The following EPS15 variants were observed in gnomAD, a reference collection of about 807,000 sequenced individuals.
EPS15 encodes the protein epidermal growth factor receptor pathway substrate 15.
EPS15 carries 72 observed loss-of-function variants against 113.8 expected under a neutral mutation model. The observed-to-expected ratio is 0.63, with a 90% CI of 0.52 to 0.77. The LOEUF (loss-of-function observed/expected upper bound fraction) is 0.77. EPS15 is among the 30% of genes least tolerant of loss of function. EPS15 has a pLI of 0.00. For synonymous variants in EPS15, 344 were observed against 363.4 expected, an observed-to-expected ratio of 0.95 and a Z score of 0.61; for missense variants, 1,048 against 1,045.8, an observed-to-expected ratio of 1.00 and a Z score of -0.03.
chr1:51,380,865 T>C (rs887394345), intron 21 of EPS15, among the ~76,000 whole-genome samples: 2 of 152,052 alleles, frequency 1.3e-5, no homozygotes, highest in South Asian at 2.1e-4. Flanking sequence ...TTCATGCAAA[T>C]AGAATATCAA....
intron 21 of EPS15, among the ~76,000 whole-genome samples, chr1:51,389,755 C>A (rs1570169401): frequency 6.6e-6 from 1 of 152,210 alleles, no homozygotes; most frequent in African/African-American, 2.4e-5. Flanking sequence ...ATCCAACTTA[C>A]AAGGGACATG....
At chr1:51,388,511 A>T (rs1647157165) in intron 21 of EPS15, among the ~76,000 whole-genome samples, 1 of 152,238 alleles carries the variant, frequency 6.6e-6, no homozygotes, top group Non-Finnish European at 1.5e-5. Flanking sequence ...GCCCTTCAAA[A>T]TATTAATGAA....
chr1:51,371,479 G>A (rs1185042196), intron 21 of EPS15, among the ~76,000 whole-genome samples: 2 of 146,384 alleles, frequency 1.4e-5, no homozygotes, highest in Non-Finnish European at 3.0e-5. Flanking sequence ...TTTCTCTTTT[G>A]CATCTTACAT....
chr1:51,371,616 C>T (rs1646656534), intron 21 of EPS15, among the ~76,000 whole-genome samples: 1 of 151,446 alleles, frequency 6.6e-6, no homozygotes, highest in South Asian at 2.1e-4. Context: ...AGGTTTATTA[C>T]AAGAGTCAAA....
chr1:51,361,185 C>G lies in EPS15; in HGVS notation c.2530G>C (p.Ala844Pro). The G allele has an allele frequency of 6.2e-7, 1 of 1,613,726 alleles. No individual in the cohort carries two copies. The highest frequency in any genetic ancestry group is 8.5e-7 in the Non-Finnish European group (1 of 1,179,710). The change falls in exon 24 of 25, where the codon GCC (alanine) becomes CCC (proline). Residue 844 changes from alanine (A) to proline (P), a missense_variant. Ala to Pro is a conservative substitution (Grantham distance 27, BLOSUM62 -1). Transcript: ENST00000371733. ...TNKEADPSNF[A>P]NFSAYPSEED... ...ACAGTACTTACAGCACTGAAGTTGG[C>G]AAAATTGCTTGGATCAGCCTCTTTA...
chr1:51,378,675 G>A (rs1269520426), intron 21 of EPS15, among the ~76,000 whole-genome samples: 1 of 152,032 alleles, frequency 6.6e-6, no homozygotes, highest in African/African-American at 2.4e-5. Flanking sequence ...TAATATATAC[G>A]AATACATATA....
chr1:51,468,071 ATCT>A (rs1654977805), intron 5 of EPS15, among the ~76,000 whole-genome samples: 2 of 152,084 alleles, frequency 1.3e-5, no homozygotes, highest in Non-Finnish European at 2.9e-5. Context: ...TGATCCTCCC[ATCT>A]CAGCCTCCCA....
intron 21 of EPS15, among the ~76,000 whole-genome samples, chr1:51,374,459 C>G (rs1646736309): frequency 6.6e-6 from 1 of 152,022 alleles, no homozygotes; most frequent in African/African-American, 2.4e-5. Context: ...CAAAAATTAG[C>G]CGGGCGTGGT....
At chr1:51,497,084 T>C (rs1644336966) in intron 1 of EPS15, among the ~76,000 whole-genome samples, 1 of 152,230 alleles carries the variant, frequency 6.6e-6, no homozygotes. Context: ...CTATTCAATG[T>C]TACATATAGA....
At position 51,365,868 on chromosome 1, in the gene EPS15, G is replaced by A. The variant is rs1008860820; in HGVS notation, c.2196+85C>T. The A allele has an allele frequency of 2.1e-5, 17 of 819,272 alleles. No individual in the cohort carries two copies. In the African/African-American group the frequency reaches 2.8e-4, roughly 13 times the overall value. 50.8% of individuals were successfully genotyped at this position (819,272 alleles called of 1,614,324 possible). A position where few individuals can be genotyped will look rare whatever the true frequency, so the allele number is the denominator to read the frequency against. ...TACTGAAATCAAGTTGCAACTTTGT[G>A]AGAGGACTATATAATTGAAAGGAGG... is the stretch of plus-strand genomic sequence containing the variant. On this transcript the variant is annotated intron_variant, in intron 22 of 24. Coordinates refer to ENST00000371733, the MANE Select transcript of EPS15 (RefSeq NM_001981.3).
In EPS15 at chr1:51,357,428, T is replaced by TA. The variant is rs1557761744; in HGVS notation, c.2545-583_2545-582insT. On this transcript the variant is annotated intron_variant, in intron 24 of 24. Transcript: ENST00000371733. ...TATATATATATATATATATATATAT[T>TA]TTTTTTTTTTAAATGTGATATATAT... Among the ~76,000 whole-genome samples the TA allele has an allele frequency of 5.0e-3, 325 of 65,232 alleles. 4 individuals carry two copies. The highest frequency in any genetic ancestry group is 7.3e-3 in the Non-Finnish European group (249 of 34,258). 42.8% of individuals were successfully genotyped at this position (65,232 alleles called of 152,430 possible).
chr1:51,503,943 A>T (rs543666408), intron 1 of EPS15, among the ~76,000 whole-genome samples: 2 of 152,294 alleles, frequency 1.3e-5, no homozygotes, highest in Admixed American at 6.5e-5. Flanking sequence ...CATATATAAA[A>T]ATCAACTTGA....
chr1:51,499,388 G>A (rs1644376888), intron 1 of EPS15, among the ~76,000 whole-genome samples: 1 of 151,740 alleles, frequency 6.6e-6, no homozygotes, highest in Non-Finnish European at 1.5e-5. Context: ...CGGACACTTG[G>A]GTTATTTCTA....
intron 1 of EPS15, among the ~76,000 whole-genome samples, chr1:51,499,291 T>A (rs1488542249): frequency 7.2e-5 from 11 of 152,240 alleles, no homozygotes; most frequent in Admixed American, 7.2e-4. Flanking sequence ...GTCTTCAAGG[T>A]TTCTTCATGT....
chr1:51,487,731 A>C (rs1230417769), intron 1 of EPS15, among the ~76,000 whole-genome samples: 1 of 152,196 alleles, frequency 6.6e-6, no homozygotes, highest in Non-Finnish European at 1.5e-5. Context: ...CTACCTAAAC[A>C]CATAGGAGAA....
intron 1 of EPS15, among the ~76,000 whole-genome samples, chr1:51,489,847 A>G (rs886645574): frequency 2.0e-5 from 3 of 152,208 alleles, no homozygotes; most frequent in African/African-American, 7.2e-5. Context: ...CAAGAGAACA[A>G]TATGTCACAA....
At chr1:51,363,780 C>T (rs1646442497) in intron 23 of EPS15, 86 bp downstream of exon 23, 11 of 1,264,860 alleles carry the variant, frequency 8.7e-6, no homozygotes, top group Non-Finnish European at 1.2e-5. Context: ...TCACTTAAAG[C>T]CATTTATATA....
intron 1 of EPS15, among the ~76,000 whole-genome samples, chr1:51,515,782 A>G (rs1395001270): frequency 6.6e-6 from 1 of 152,256 alleles, no homozygotes; most frequent in Non-Finnish European, 1.5e-5. Context: ...TCTAGTACAT[A>G]GAGAAGAACA....
At chr1:51,459,910 C>G (rs1462380188) in intron 8 of EPS15, among the ~76,000 whole-genome samples, 1 of 151,266 alleles carries the variant, frequency 6.6e-6, no homozygotes, top group Non-Finnish European at 1.5e-5. Context: ...ATAAAGAGAA[C>G]TGAAGAAACA....
Sources: gnomAD v4.1 joint callset for allele counts (sites outside exome capture counted in the v4.1 genomes callset) on GRCh38, gnomAD v4.1.1 for gene constraint, MANE v1.5 for transcripts, NCBI Gene and HGNC (gene_info 2026-07-23, HGNC 2026-07-21) for gene names.